The following NBEAL2 variants were observed in gnomAD, a reference collection of about 807,000 sequenced individuals.
NBEAL2 encodes the protein neurobeachin-like protein 2.
Under a neutral mutation model 299.8 loss-of-function variants are expected in NBEAL2, and 160 were observed. The ratio of observed to expected loss-of-function variants is 0.53; its 90% CI spans 0.47 to 0.61. The LOEUF (loss-of-function observed/expected upper bound fraction) is 0.61, where lower values mean the gene tolerates loss of function less well. Ranked by LOEUF, NBEAL2 falls within the 20% of genes least tolerant of loss-of-function variation. The pLI, the probability that NBEAL2 is intolerant of heterozygous loss-of-function variation, is 0.00. For missense variants in NBEAL2, 3,112 were observed against 3,649.0 expected, an observed-to-expected ratio of 0.85 and a Z score of 3.79; for synonymous variants, 1,493 against 1,542.3, an observed-to-expected ratio of 0.97 and a Z score of 0.75.
At position 46,979,878 on chromosome 3, in the gene NBEAL2, G is replaced by T; in HGVS notation, c.17G>T (p.Arg6Leu). 2.1e-6 allele frequency: 1 copy of T among 470,176 alleles called. No homozygotes were observed. 29.1% of individuals were successfully genotyped at this position (470,176 alleles called of 1,614,324 possible). Residue 6 changes from arginine (R) to leucine (L), a missense_variant, in exon 1 of 54, where the codon CGG (arginine) becomes CTG (leucine). This residue lies in a region of NBEAL2 where 2,243 missense variants were observed against 2,538.1 expected (regional missense o/e 0.88). Transcript: ENST00000450053. ...GGCCGGGCCATGGCCGCCTCGGAGC[G>T]GCTGTACGAGTTGTGGCTGCTCTAC... The part of the protein sequence containing the change: MAASE[R>L]LYELWLLYYA...
Position 47,005,409 on chromosome 3 carries a change from C to T in NBEAL2, c.6561-80C>T. 3.2e-6 allele frequency: 5 copies of T among 1,574,590 alleles called. No individual in the cohort carries two copies. In the South Asian group the frequency reaches 3.5e-5, roughly 11 times the overall value. On this transcript the variant is annotated intron_variant, in intron 40 of 53. Transcript: ENST00000450053. ...CACATCCTGGGCCCACCCCTGGCTC[C>T]CTTCTTCCCTCCAGCCACAGCATCT...
rs951327747 is a variant in NBEAL2 at position 46,988,453 on chromosome 3, T to C, written c.52-216T>C. Among the ~76,000 whole-genome samples the C allele has an allele frequency of 2.0e-5, 3 of 152,092 alleles. No individual in the cohort carries two copies. Among genetic ancestry groups the C allele is most frequent in the Non-Finnish European group, 2.9e-5 (2 of 67,980 alleles). The stretch of plus-strand genomic sequence containing the variant: ...GGGGTGCCTGGAAAAGTGGTCAGTA[T>C]GTACCTAACTCTCTGATGCTGACCT... On this transcript the variant is annotated intron_variant, in intron 1 of 53. Coordinates refer to ENST00000450053, the MANE Select transcript of NBEAL2 (RefSeq NM_015175.3). This position sits in a 1 kb window ranked among gnomAD's most constrained non-coding sequence, Gnocchi z 4.4.
Position 46,991,375 on chromosome 3 carries a change from G to T in NBEAL2, c.643-31G>T, listed in dbSNP as rs1316019452. On this transcript the variant is annotated intron_variant, in intron 7 of 53. Transcript: ENST00000450053. This position sits in a 1 kb window ranked among gnomAD's most constrained non-coding sequence, Gnocchi z 6.2. ...TATCTCTCTGCTGGGTGAGCCCCTTGCCCACTGCCCATCTCTGTCCACACC... is the reference window on the plus strand; with the variant it reads ...TATCTCTCTGCTGGGTGAGCCCCTTTCCCACTGCCCATCTCTGTCCACACC... The T allele has an allele frequency of 6.3e-7, 1 of 1,586,522 alleles. No homozygotes were observed. Among genetic ancestry groups the T allele is most frequent in the African/African-American group, 1.3e-5 (1 of 74,400 alleles).
chr3:46,982,448 C>G lies in NBEAL2; in HGVS notation c.51+2536C>G, dbSNP rs565635749. Reference sequence around the variant, plus strand: ...GGTTTAGACCCACCCACCCCCTCCCCCTGGGGGCCCGGCTCAACTGGGGGC... The same window carrying G: ...GGTTTAGACCCACCCACCCCCTCCCGCTGGGGGCCCGGCTCAACTGGGGGC... On this transcript the variant is annotated intron_variant, in intron 1 of 53. Transcript: ENST00000450053. The surrounding 1 kb of genome is among the most constrained non-coding windows in gnomAD (Gnocchi z 4.2). Among the ~76,000 whole-genome samples the G allele has an allele frequency of 6.8e-3, 1,038 of 152,250 alleles. 13 individuals carry two copies. The highest frequency in any genetic ancestry group is 0.023 in the African/African-American group (970 of 41,516).
rs371844216 is a variant in NBEAL2 at position 46,993,958 on chromosome 3, G to T, written c.1135G>T (p.Ala379Ser). 1.2e-6 allele frequency: 2 copies of T among 1,611,298 alleles called. No individual in the cohort carries two copies. Among genetic ancestry groups the T allele is most frequent in the Non-Finnish European group, 1.7e-6 (2 of 1,179,072 alleles). The change falls in exon 11 of 54, where the codon GCC becomes TCC. Residue 379 changes from alanine (A) to serine (S), a missense_variant. Coordinates refer to ENST00000450053, the MANE Select transcript of NBEAL2 (RefSeq NM_015175.3). ...VQKVLDQDTD[A>S]IAVHVVRVLT... is the part of the protein sequence containing the mutation. ...CAAGGTCCTGGACCAAGACACAGACGCCATTGCAGTCCATGTAGTCAGAGT... is the reference window on the plus strand; with the variant it reads ...CAAGGTCCTGGACCAAGACACAGACTCCATTGCAGTCCATGTAGTCAGAGT...
chr3:47,007,622 G>C lies in NBEAL2; in HGVS notation c.7432G>C (p.Gly2478Arg). The change falls in exon 48 of 54, where the codon GGC (glycine) becomes CGC (arginine). Residue 2478 changes from glycine (G) to arginine (R), a missense_variant. Physicochemically the swap from Gly to Arg is moderately radical, Grantham distance 125. This residue lies in a region of NBEAL2 where 348 missense variants were observed against 381.4 expected (regional missense o/e 0.91). Coordinates refer to ENST00000450053, the MANE Select transcript of NBEAL2 (RefSeq NM_015175.3). ...APDGKLLFSGGHWDGSLRVTA... is the reference protein window; with the variant it reads ...APDGKLLFSGRHWDGSLRVTA... ...GGATGGAAAGCTGCTATTCAGCGGT[G>C]GCCACTGGGATGGCAGCCTGCGGGT... 1.9e-6 allele frequency: 3 copies of C among 1,611,514 alleles called. No homozygotes were observed. Among genetic ancestry groups the C allele is most frequent in the South Asian group, 1.1e-5 (1 of 90,660 alleles).
In NBEAL2 at chr3:47,004,618, C is replaced by T. The variant is rs763925897; in HGVS notation, c.6294+28C>T. The T allele has an allele frequency of 3.8e-6, 6 of 1,599,056 alleles. No homozygotes were observed. The highest frequency in any genetic ancestry group is 4.3e-6 in the Non-Finnish European group (5 of 1,166,910). On this transcript the variant is annotated intron_variant, in intron 38 of 53. Coordinates refer to ENST00000450053, the MANE Select transcript of NBEAL2 (RefSeq NM_015175.3). This position sits in a 1 kb window ranked among gnomAD's most constrained non-coding sequence, Gnocchi z 5.0. ...GAGGGTCCCACTCTGCACCCCTCCA[C>T]CCCTGCCCCTCTGACCTGTCAGCCC... is the stretch of plus-strand genomic sequence containing the variant.
Position 47,002,287 on chromosome 3 carries a change from A to G in NBEAL2, c.5150A>G (p.Gln1717Arg). Residue 1717 changes from glutamine (Q) to arginine (R), a missense_variant and splice_region_variant, in exon 31 of 54, where the codon CAG becomes CGG. Gln to Arg is a conservative substitution (Grantham distance 43, BLOSUM62 1). Transcript: ENST00000450053. ...TPEWRHFIDK[Q>R]VQPTMSQFEM... Reference sequence around the variant, plus strand: ...GAATGGCGCCACTTCATCGACAAACAGGTGCCTGGAGGTTGGGGCCCAGGA... The same window carrying G: ...GAATGGCGCCACTTCATCGACAAACGGGTGCCTGGAGGTTGGGGCCCAGGA... The G allele has an allele frequency of 6.3e-7, 1 of 1,574,984 alleles. No individual in the cohort carries two copies. The highest frequency in any genetic ancestry group is 8.6e-7 in the Non-Finnish European group (1 of 1,157,718).
In NBEAL2 at chr3:47,004,857, C is replaced by T. The variant is rs2037305117; in HGVS notation, c.6295-115C>T. 8 of 1,460,450 alleles carry T rather than the reference C, an allele frequency of 5.5e-6. No homozygotes were observed. The African/African-American group carries it at 5.6e-5, about 10-fold the overall frequency. 90.5% of individuals were successfully genotyped at this position (1,460,450 alleles called of 1,614,324 possible). A position where few individuals can be genotyped will look rare whatever the true frequency, so the allele number is the denominator to read the frequency against. On this transcript the variant is annotated intron_variant, in intron 38 of 53. Transcript: ENST00000450053. The surrounding 1 kb of genome is among the most constrained non-coding windows in gnomAD (Gnocchi z 5.0). Reference sequence around the variant, plus strand: ...TCCCCTGTGACCCCTCTAAGTGGTGCTCCCCCAACCTGTGGGCAGGCTCTG... The same window carrying T: ...TCCCCTGTGACCCCTCTAAGTGGTGTTCCCCCAACCTGTGGGCAGGCTCTG...
Position 46,994,518 on chromosome 3 carries a change from C to A in NBEAL2, c.1261C>A (p.Pro421Thr). Reference protein sequence around the residue: ...LQEVLQSHGPPTHRLLQELLN... With the variant: ...LQEVLQSHGPTTHRLLQELLN... ...GGAGGTTCTGCAGAGCCATGGTCCC[C>A]CCACCCATCGGCTGTTGCAAGAGCT... The change falls in exon 12 of 54, where the codon CCC becomes ACC. Residue 421 changes from proline to threonine, a missense_variant. Physicochemically the swap from Pro to Thr is conservative, Grantham distance 38. Around this residue, in one of 3 missense-constraint regions of NBEAL2, gnomAD observed 2,243 missense variants for 2,538.1 expected, o/e 0.88. Coordinates refer to ENST00000450053, the MANE Select transcript of NBEAL2 (RefSeq NM_015175.3). The A allele has an allele frequency of 6.3e-7, 1 of 1,592,826 alleles. No individual in the cohort carries two copies. Among genetic ancestry groups the A allele is most frequent in the East Asian group, 2.3e-5 (1 of 44,286 alleles).
chr3:46,997,599 C>A lies in NBEAL2; in HGVS notation c.2863C>A (p.Leu955Met). Reference sequence around the variant, plus strand: ...GAGGAACGCAGTGGCTGCTTTTCTGCTGATGCTGCGGAACTTCCTTCAGGG... The same window carrying A: ...GAGGAACGCAGTGGCTGCTTTTCTGATGATGCTGCGGAACTTCCTTCAGGG... Reference protein sequence around the residue: ...MERNAVAAFLLMLRNFLQGHM... With the variant: ...MERNAVAAFLMMLRNFLQGHM... The change falls in exon 20 of 54, where the codon CTG (leucine) becomes ATG (methionine). Residue 955 changes from leucine to methionine, a missense_variant. By Grantham distance (15) the Leu-to-Met change is conservative (BLOSUM62 2). Around this residue, in one of 3 missense-constraint regions of NBEAL2, gnomAD observed 2,243 missense variants for 2,538.1 expected, o/e 0.88. Transcript: ENST00000450053. 2 of 1,600,224 alleles carry A rather than the reference C, an allele frequency of 1.2e-6. No homozygotes were observed. The highest frequency in any genetic ancestry group is 1.7e-5 in the Admixed American group (1 of 59,512).
In NBEAL2 at chr3:46,999,943, G is replaced by C. The variant is rs2036836421; in HGVS notation, c.3844G>C (p.Ala1282Pro). The C allele has an allele frequency of 6.2e-7, 1 of 1,611,520 alleles. No individual in the cohort carries two copies. Among genetic ancestry groups the C allele is most frequent in the Non-Finnish European group, 8.5e-7 (1 of 1,179,274 alleles). ...TGTAGTGCGGCTTCTGGCCCGACAGGCTGGCTGGCAAGATGTGCTGACCCG... is the reference window on the plus strand; with the variant it reads ...TGTAGTGCGGCTTCTGGCCCGACAGCCTGGCTGGCAAGATGTGCTGACCCG... ...PDVVRLLARQ[A>P]GWQDVLTRLY... Residue 1282 changes from alanine (A) to proline (P), a missense_variant, in exon 27 of 54, where the codon GCT becomes CCT. Ala to Pro is a conservative substitution (Grantham distance 27). Around this residue, in one of 3 missense-constraint regions of NBEAL2, gnomAD observed 2,243 missense variants for 2,538.1 expected, o/e 0.88. Coordinates refer to ENST00000450053, the MANE Select transcript of NBEAL2 (RefSeq NM_015175.3).
intron 47 of NBEAL2, 63 bp downstream of exon 47, chr3:47,007,413 C>T: frequency 4.5e-6 from 7 of 1,554,222 alleles, no homozygotes; most frequent in Non-Finnish European, 5.2e-6. Context: ...TTATTCCCCT[C>T]CCTAATCAGA....
intron 10 of NBEAL2, among the ~76,000 whole-genome samples, chr3:46,993,384 A>G (rs1007680121): frequency 6.6e-6 from 1 of 152,176 alleles, no homozygotes; most frequent in Non-Finnish European, 1.5e-5. Context: ...GTGGGGCAGG[A>G]GAGGCAGCAG....
In NBEAL2 at chr3:46,996,545, T is replaced by G. The variant is rs772720038; in HGVS notation, c.2426T>G (p.Phe809Cys). 6.5e-7 allele frequency: 1 copy of G among 1,544,756 alleles called. No individual in the cohort carries two copies. Among genetic ancestry groups the G allele is most frequent in the Non-Finnish European group, 8.7e-7 (1 of 1,142,880 alleles). ...GGTGAGCTGGGGGCTGTGGCCATCTTTCACGAAGCCCTGCAGGCGACGGCT... is the reference window on the plus strand; with the variant it reads ...GGTGAGCTGGGGGCTGTGGCCATCTGTCACGAAGCCCTGCAGGCGACGGCT... ...LEGELGAVAI[F>C]HEALQATALR... Residue 809 changes from phenylalanine (F) to cysteine (C), a missense_variant, in exon 16 of 54, where the codon TTT becomes TGT. Coordinates refer to ENST00000450053, the MANE Select transcript of NBEAL2 (RefSeq NM_015175.3).
chr3:46,980,930 G>A (rs2035286463), intron 1 of NBEAL2, among the ~76,000 whole-genome samples: 1 of 152,192 alleles, frequency 6.6e-6, no homozygotes, highest in Admixed American at 6.5e-5. Context: ...GTTTGTCAGT[G>A]GGGGGAATTC....
rs367948258 is a variant in NBEAL2 at position 47,002,672 on chromosome 3, C to T, written c.5329C>T (p.Arg1777Trp). The T allele has an allele frequency of 8.1e-6, 13 of 1,608,112 alleles. No individual in the cohort carries two copies. The highest frequency in any genetic ancestry group is 1.7e-4 in the Middle Eastern group (1 of 6,060). Residue 1777 changes from arginine (R) to tryptophan (W), a missense_variant, in exon 33 of 54, where the codon CGG (arginine) becomes TGG (tryptophan). By Grantham distance (101) the Arg-to-Trp change is moderately radical. Transcript: ENST00000450053. ...QELVLEPAQR[R>W]ARLEGLRYTA... ...GCTGGTGCTGGAACCTGCGCAGAGG[C>T]GGGCGCGCCTGGAGGGGCTACGCTA...
rs1553656589 is a variant in NBEAL2 at position 46,988,809 on chromosome 3, T to C, written c.141-33T>C. On this transcript the variant is annotated intron_variant, in intron 2 of 53. Transcript: ENST00000450053. The surrounding 1 kb of genome is among the most constrained non-coding windows in gnomAD (Gnocchi z 4.4). The stretch of plus-strand genomic sequence containing the variant: ...GGGACAGAGCAGGGAGATTGAGGGG[T>C]CCTCAGCACCCGTGTCTCCCCTTTC... 1.9e-6 allele frequency: 3 copies of C among 1,603,220 alleles called. No homozygotes were observed. The highest frequency in any genetic ancestry group is 2.6e-6 in the Non-Finnish European group (3 of 1,171,542).
At position 46,995,999 on chromosome 3, in the gene NBEAL2, A is replaced by C. The variant is rs1439307923; in HGVS notation, c.2099A>C (p.Lys700Thr). The change falls in exon 15 of 54, where the codon AAA (lysine) becomes ACA (threonine). Residue 700 changes from lysine to threonine, a missense_variant. This residue lies in a region of NBEAL2 where 2,243 missense variants were observed against 2,538.1 expected (regional missense o/e 0.88). Transcript: ENST00000450053. Reference sequence around the variant, plus strand: ...AGCCAGAACCTGGTCCATGTCTACAAAGACGGCCATCTGGTCAAGACAGCA... The same window carrying C: ...AGCCAGAACCTGGTCCATGTCTACACAGACGGCCATCTGGTCAAGACAGCA... ...PFSQNLVHVY[K>T]DGHLVKTAPL... The C allele has an allele frequency of 6.2e-7, 1 of 1,612,694 alleles. No homozygotes were observed. The highest frequency in any genetic ancestry group is 8.5e-7 in the Non-Finnish European group (1 of 1,179,620).
Sources: gnomAD v4.1 joint callset for allele counts (sites outside exome capture counted in the v4.1 genomes callset) on GRCh38, gnomAD v4.1.1 for gene constraint, gnomAD v4.1.1 regional missense constraint, Gnocchi (gnomAD v3.1) non-coding constraint, MANE v1.5 for transcripts, NCBI Gene and HGNC (gene_info 2026-07-23, HGNC 2026-07-21) for gene names.